Variants in ENKUR observed in about 807,000 individuals in gnomAD.
The protein encoded by ENKUR is enkurin.
A neutral mutation model predicts 27.6 loss-of-function variants in ENKUR; 19 were observed. That is an observed-to-expected ratio of 0.69 (90% CI 0.48 to 1.01). The LOEUF (loss-of-function observed/expected upper bound fraction) is 1.01. ENKUR is among the 50% of genes least tolerant of loss of function. The pLI, the probability that ENKUR is intolerant of heterozygous loss-of-function variation, is 0.00. For missense variants in ENKUR, 312 were observed against 310.5 expected, an observed-to-expected ratio of 1.00 and a Z score of -0.04; for synonymous variants, 117 against 96.9, an observed-to-expected ratio of 1.21 and a Z score of -1.22.
At chr10:25,053,866 G>A (rs1181991253) in intron 2 of ENKUR, among the ~76,000 whole-genome samples, 2 of 152,042 alleles carry the variant, frequency 1.3e-5, no homozygotes, top group African/African-American at 4.8e-5. Context: ...AAATACTCAT[G>A]CACCTACCAC....
At chr10:24,984,693 T>C (rs749328729) in intron 5 of ENKUR, 43 bp downstream of exon 5, 37 of 1,521,702 alleles carry the variant, frequency 2.4e-5, no homozygotes, top group Middle Eastern at 1.8e-4. Context: ...CATGTTTTTT[T>C]CCCCTACATT....
chr10:25,044,059 G>A (rs879395009), intron 2 of ENKUR, among the ~76,000 whole-genome samples: 26 of 151,990 alleles, frequency 1.7e-4, no homozygotes, highest in Non-Finnish European at 3.5e-4. Context: ...TGGATCATCT[G>A]TAAGACTGTT....
chr10:25,020,075 A>G (rs1850686575), upstream of ENKUR, among the ~76,000 whole-genome samples: 1 of 152,140 alleles, frequency 6.6e-6, no homozygotes, highest in Non-Finnish European at 1.5e-5. Flanking sequence ...ATGTTACAAA[A>G]TAAAATTTAG....
intron 1 of ENKUR, among the ~76,000 whole-genome samples, chr10:25,000,877 G>C (rs1384464675): frequency 1.3e-5 from 2 of 151,744 alleles, no homozygotes; most frequent in Non-Finnish European, 2.9e-5. Context: ...GTTTGGTTTG[G>C]TTTTATGGAA....
At chr10:25,020,178 T>C (rs1413389547), upstream of ENKUR, among the ~76,000 whole-genome samples, 6 of 151,892 alleles carry the variant, frequency 4.0e-5, no homozygotes. Flanking sequence ...AAGGAACATG[T>C]TTGTGGGAAA....
intron 1 of ENKUR, among the ~76,000 whole-genome samples, chr10:25,011,962 G>GAA (rs1337681044): frequency 2.0e-5 from 3 of 152,186 alleles, no homozygotes; most frequent in African/African-American, 7.2e-5. Context: ...AGACCTAGGA[G>GAA]AAAAAATGGT....
At chr10:25,031,800 C>CT (rs34772445) in intron 2 of ENKUR, among the ~76,000 whole-genome samples, 8,852 of 130,050 alleles carry the variant, frequency 0.068, 666 homozygotes, top group African/African-American at 0.18. Context: ...ATACAAAAGT[C>CT]TTTTTTTTTT....
At chr10:25,047,478 T>C (rs1851133913) in intron 2 of ENKUR, among the ~76,000 whole-genome samples, 1 of 152,236 alleles carries the variant, frequency 6.6e-6, no homozygotes, top group African/African-American at 2.4e-5. Context: ...GAATAGTGTT[T>C]CCTGGCTTTG....
upstream of ENKUR, chr10:25,062,299 C>G (rs961758652): frequency 1.2e-4 from 18 of 152,330 alleles, no homozygotes; most frequent in Non-Finnish European, 4.4e-5. Context: ...GTTAAACATG[C>G]CTGCTTTTCA....
chr10:24,988,231 AATGTATATATATATATAT>A (rs1564334388), intron 4 of ENKUR, among the ~76,000 whole-genome samples: 71 of 144,098 alleles, frequency 4.9e-4, no homozygotes, highest in African/African-American at 1.7e-3. Flanking sequence ...CTCAAAAAAA[AATGTATATATATATATAT>A]ATGTGTATAT....
chr10:25,007,033 T>C (rs962149256), intron 1 of ENKUR, among the ~76,000 whole-genome samples: 4 of 152,236 alleles, frequency 2.6e-5, no homozygotes, highest in African/African-American at 9.6e-5. Context: ...TCCATCCTGA[T>C]AAAACGTTTA....
intron 2 of ENKUR, among the ~76,000 whole-genome samples, chr10:25,035,103 C>T (rs1396753114): frequency 6.6e-6 from 1 of 152,154 alleles, no homozygotes; most frequent in Non-Finnish European, 1.5e-5. Context: ...AACGGTTACA[C>T]ATATATTATT....
intron 1 of ENKUR, among the ~76,000 whole-genome samples, chr10:25,007,760 G>GT (rs1049125437): frequency 4.6e-5 from 7 of 151,960 alleles, no homozygotes; most frequent in African/African-American, 1.7e-4. Flanking sequence ...ATTATAGGCA[G>GT]TAACTCAAAA....
rs2132658387 is a variant in ENKUR at position 24,982,853 on chromosome 10, C to T, written c.*1517G>A. 6.6e-6 allele frequency: 1 copy of T among 152,300 alleles called. No homozygotes were observed. Among genetic ancestry groups the T allele is most frequent in the South Asian group, 2.1e-4 (1 of 4,818 alleles). 9.4% of individuals were successfully genotyped at this position (152,300 alleles called of 1,614,324 possible). A position where few individuals can be genotyped will look rare whatever the true frequency, so the allele number is the denominator to read the frequency against. ...GTCTAGATTCTTTAGTAGACATTTA[C>T]AGAAAGCAAAAGAATTAGCTGTTAA... On this transcript the variant is annotated 3_prime_UTR_variant, in exon 6 of 6. Transcript: ENST00000331161.
chr10:25,019,164 T>C (rs1850670199), upstream of ENKUR, among the ~76,000 whole-genome samples: 1 of 152,208 alleles, frequency 6.6e-6, no homozygotes. Context: ...TTCAACTAAT[T>C]ACAGATTGAA....
intron 2 of ENKUR, chr10:25,024,052 T>C (rs1263643091): frequency 1.2e-6 from 2 of 1,614,160 alleles, no homozygotes; most frequent in African/African-American, 2.7e-5. Context: ...AAAATTAAGC[T>C]GCGGGGAGTG....
chr10:25,007,281 C>T (rs1457140921), intron 1 of ENKUR, among the ~76,000 whole-genome samples: 1 of 152,202 alleles, frequency 6.6e-6, no homozygotes, highest in Non-Finnish European at 1.5e-5. Context: ...CAAAAGCTCA[C>T]TTATACATTT....
intron 3 of ENKUR, among the ~76,000 whole-genome samples, chr10:24,991,119 T>G (rs1849919103): frequency 6.6e-6 from 1 of 151,878 alleles, no homozygotes; most frequent in African/African-American, 2.4e-5. Flanking sequence ...TAAATGGAGT[T>G]GTTATTGCAG....
At chr10:25,004,395 CAGTG>C (rs766948108) in intron 1 of ENKUR, among the ~76,000 whole-genome samples, 5 of 152,216 alleles carry the variant, frequency 3.3e-5, no homozygotes, top group East Asian at 1.9e-4. Flanking sequence ...CTCCCATCAG[CAGTG>C]AGTAAGTGTT....
Sources: gnomAD v4.1 joint callset for allele counts (sites outside exome capture counted in the v4.1 genomes callset) on GRCh38, gnomAD v4.1.1 for gene constraint, MANE v1.5 for transcripts, NCBI Gene and HGNC (gene_info 2026-07-23, HGNC 2026-07-21) for gene names.